APPL2: variants seen among roughly 807,000 people sequenced by gnomAD.
The protein encoded by APPL2 is DCC-interacting protein 13-beta.
In APPL2, 84 loss-of-function variants were observed where a neutral mutation model predicts 92.7. The ratio of observed to expected loss-of-function variants is 0.91; its 90% CI spans 0.76 to 1.09. The LOEUF is 1.09. Among genes scored for constraint, APPL2 ranks in the 50% least tolerant of loss-of-function variants. The probability of loss-of-function intolerance (pLI) is 0.00; values close to 1 mark genes in which losing one functional copy is unlikely to be tolerated. For missense variants in APPL2, 736 were observed against 824.5 expected (o/e 0.89, Z 1.31); for synonymous variants, 291 against 291.0 (o/e 1.00, Z 0.00).
chr12:105,225,269 G>A (rs1187765623), intron 2 of APPL2, among the ~76,000 whole-genome samples: 3 of 152,118 alleles, frequency 2.0e-5, no homozygotes, highest in Non-Finnish European at 2.9e-5. Flanking sequence ...GCCAGGTTTC[G>A]TGAATACCGC....
intron 4 of APPL2, 65 bp downstream of exon 4, chr12:105,217,004 C>A: frequency 1.6e-6 from 2 of 1,233,638 alleles, no homozygotes; most frequent in South Asian, 1.4e-5. Context: ...GAAAGTGGGC[C>A]AAAATAACAA....
intron 4 of APPL2, 45 bp downstream of exon 4, chr12:105,217,024 G>C (rs1271274866): frequency 7.1e-7 from 1 of 1,401,788 alleles, no homozygotes; most frequent in Non-Finnish European, 9.9e-7. Context: ...ACAAAAGAAA[G>C]TTCGAGAAAG....
rs777888513 is a variant in APPL2 at position 105,190,022 on chromosome 12, T to C, written c.1375A>G (p.Thr459Ala). 6 of 1,614,182 alleles carry C rather than the reference T, an allele frequency of 3.7e-6. No homozygotes were observed. Among genetic ancestry groups the C allele is most frequent in the African/African-American group, 1.3e-5 (1 of 75,044 alleles). ...PIQFDIVLPA[T>A]EFLDQNRGSR... ...CCTCTGTTCTGATCAAGGAATTCTG[T>C]AGCAGGAAGCACAATATCGAATTGA... The change falls in exon 15 of 21, where the codon ACA becomes GCA. Residue 459 changes from threonine to alanine, a missense_variant. Transcript: ENST00000258530.
intron 17 of APPL2, among the ~76,000 whole-genome samples, chr12:105,181,213 A>G (rs577308063): frequency 6.6e-6 from 1 of 152,308 alleles, no homozygotes; most frequent in South Asian, 2.1e-4. Flanking sequence ...ATCTATTGAG[A>G]TAATCATGTG....
chr12:105,195,964 AG>A (rs1448768280), intron 11 of APPL2, among the ~76,000 whole-genome samples: 1 of 151,174 alleles, frequency 6.6e-6, no homozygotes, highest in Non-Finnish European at 1.5e-5. Context: ...CTGAAGTGGG[AG>A]GATCGATCGA....
In APPL2 at chr12:105,188,418, G is replaced by T; in HGVS notation, c.1489C>A (p.Arg497=). The change falls in exon 17 of 21, where the codon CGG becomes AGG. Residue 497 remains arginine (R), a synonymous_variant. Transcript: ENST00000258530. The part of the protein sequence containing the change: ...DSLLQQMFIV[R]FLGSMAVKTD... ...TTAACTGCCATTGATCCCAAAAACC[G>T]AACTATAAACATCTGCTGCAAAAGA... 6.2e-7 allele frequency: 1 copy of T among 1,613,992 alleles called. No individual in the cohort carries two copies. The highest frequency in any genetic ancestry group is 8.5e-7 in the Non-Finnish European group (1 of 1,179,976).
At position 105,207,822 on chromosome 12, in the gene APPL2, A is replaced by G. The variant is rs138883299; in HGVS notation, c.474+149T>C. 7.3e-3 allele frequency: 4,890 copies of G among 672,084 alleles called. 36 individuals are homozygous for G. Among genetic ancestry groups the G allele is most frequent in the Non-Finnish European group, 9.8e-3 (3,890 of 395,708 alleles). 41.6% of individuals were successfully genotyped at this position (672,084 alleles called of 1,614,324 possible). A position where few individuals can be genotyped will look rare whatever the true frequency, so the allele number is the denominator to read the frequency against. On this transcript the variant is annotated intron_variant, in intron 7 of 20. Coordinates refer to ENST00000258530, the MANE Select transcript of APPL2 (RefSeq NM_018171.5). ...AGAATAGAGAAGTGGAGGTCTACTT[A>G]TGAGATTTGGAATGAACAATTTTAA...
chr12:105,200,895 T>TC (rs1417287261), intron 9 of APPL2, among the ~76,000 whole-genome samples: 2 of 142,082 alleles, frequency 1.4e-5, no homozygotes, highest in Non-Finnish European at 3.1e-5. Flanking sequence ...TATCTATCTA[T>TC]CTATCTATCC....
At chr12:105,201,164 C>T (rs1251502096) in intron 9 of APPL2, among the ~76,000 whole-genome samples, 1 of 152,216 alleles carries the variant, frequency 6.6e-6, no homozygotes, top group Non-Finnish European at 1.5e-5. Flanking sequence ...CCATCTTGGC[C>T]TCCCAAAGTA....
At chr12:105,226,580 C>A (rs1173188680) in intron 2 of APPL2, among the ~76,000 whole-genome samples, 3 of 152,212 alleles carry the variant, frequency 2.0e-5, no homozygotes, top group Admixed American at 2.0e-4. Context: ...AAAGGCAGAA[C>A]AGAGACTCCT....
At chr12:105,225,759 C>T (rs1252788805) in intron 2 of APPL2, among the ~76,000 whole-genome samples, 1 of 152,134 alleles carries the variant, frequency 6.6e-6, no homozygotes, top group Admixed American at 6.5e-5. Context: ...GAGGTTAAGA[C>T]AAACAAAATT....
chr12:105,215,409 T>A (rs1889599156), intron 4 of APPL2, among the ~76,000 whole-genome samples: 1 of 152,132 alleles, frequency 6.6e-6, no homozygotes, highest in Non-Finnish European at 1.5e-5. Context: ...AGAAAGAGAA[T>A]GAGTTTGTCT....
At position 105,199,504 on chromosome 12, in the gene APPL2, C is replaced by T. The variant is rs777737151; in HGVS notation, c.732G>A (p.Ala244=). 5.7e-5 allele frequency: 92 copies of T among 1,613,778 alleles called. No homozygotes were observed. Among genetic ancestry groups the T allele is most frequent in the South Asian group, 1.1e-5 (1 of 91,072 alleles). Reference sequence around the variant, plus strand: ...CTTGCTGGGACACCCGCATCTTTTCCGCCTCGGCTTCCAGTTCTACCTGAA... The same window carrying T: ...CTTGCTGGGACACCCGCATCTTTTCTGCCTCGGCTTCCAGTTCTACCTGAA... ...QSIQVELEAE[A]EKMRVSQQEL... is the part of the protein sequence containing the mutation. The change falls in exon 10 of 21, where the codon GCG becomes GCA. Residue 244 remains alanine, a synonymous_variant. Transcript: ENST00000258530.
chr12:105,186,699 C>CAT (rs145976697), intron 17 of APPL2, among the ~76,000 whole-genome samples: 2 of 134,570 alleles, frequency 1.5e-5, no homozygotes, highest in Admixed American at 7.4e-5. Flanking sequence ...TATCATATAT[C>CAT]ATATCATATA....
At chr12:105,186,671 T>TG (rs1335554198) in intron 17 of APPL2, among the ~76,000 whole-genome samples, 4 of 107,476 alleles carry the variant, frequency 3.7e-5, no homozygotes, top group African/African-American at 1.2e-4. Flanking sequence ...ATATCATATA[T>TG]ATGATATATC....
Position 105,199,425 on chromosome 12 carries a change from G to T in APPL2, c.811C>A (p.Pro271Thr). The T allele has an allele frequency of 6.2e-7, 1 of 1,614,092 alleles. No individual in the cohort carries two copies. The highest frequency in any genetic ancestry group is 8.5e-7 in the Non-Finnish European group (1 of 1,180,008). Residue 271 changes from proline to threonine, a missense_variant, in exon 10 of 21, where the codon CCA (proline) becomes ACA (threonine). Transcript: ENST00000258530. ...VYTPDSDVAA[P>T]QINRNLIQKA... The stretch of plus-strand genomic sequence containing the variant: ...TGGATGAGGTTCCTGTTGATCTGTG[G>T]TGCGGCCACATCAGAGTCTGGAGTG...
intron 17 of APPL2, chr12:105,177,502 T>C: frequency 1.9e-6 from 1 of 536,868 alleles, no homozygotes; most frequent in Non-Finnish European, 3.3e-6. Flanking sequence ...AGATTTAACT[T>C]CACAGGATTC....
intron 3 of APPL2, among the ~76,000 whole-genome samples, chr12:105,217,365 T>A (rs1356958715): frequency 6.6e-6 from 1 of 152,204 alleles, no homozygotes; most frequent in African/African-American, 2.4e-5. Flanking sequence ...GTCAAACATA[T>A]TTTTTGACTT....
intron 4 of APPL2, among the ~76,000 whole-genome samples, chr12:105,213,772 C>T (rs1889412318): frequency 6.6e-6 from 1 of 152,228 alleles, no homozygotes; most frequent in Non-Finnish European, 1.5e-5. Context: ...CTCCCCTCTT[C>T]CCAGATTTAG....
Sources: gnomAD v4.1 joint callset for allele counts (sites outside exome capture counted in the v4.1 genomes callset) on GRCh38, gnomAD v4.1.1 for gene constraint, MANE v1.5 for transcripts, NCBI Gene and HGNC (gene_info 2026-07-23, HGNC 2026-07-21) for gene names.